The following CHRM3 variants were observed in gnomAD, a reference collection of about 807,000 sequenced individuals.
CHRM3 encodes the protein muscarinic acetylcholine receptor M3.
A neutral mutation model predicts 41.8 loss-of-function variants in CHRM3; 11 were observed. The observed-to-expected ratio is 0.26, with a 90% CI of 0.17 to 0.44. The LOEUF (loss-of-function observed/expected upper bound fraction) is 0.44. CHRM3 is among the 20% of genes least tolerant of loss of function. CHRM3 has a pLI of 1.00. For missense variants in CHRM3, 571 were observed against 745.4 expected, an observed-to-expected ratio of 0.77 and a Z score of 2.72; for synonymous variants, 297 against 301.4, an observed-to-expected ratio of 0.99 and a Z score of 0.15.
chr1:239,403,114 AAATT>A (rs375082029), intron 1 of CHRM3, among the ~76,000 whole-genome samples: 4 of 152,320 alleles, frequency 2.6e-5, no homozygotes, highest in Non-Finnish European at 5.9e-5. Flanking sequence ...GCCTTTAAAT[AAATT>A]ATGTAAATAA....
At chr1:239,447,780 A>AAAAC (rs146664777) in intron 1 of CHRM3, among the ~76,000 whole-genome samples, 10 of 152,118 alleles carry the variant, frequency 6.6e-5, no homozygotes, top group East Asian at 5.8e-4. Flanking sequence ...CTGTCTCAAA[A>AAAAC]AAACAAACAA....
intron 3 of CHRM3, among the ~76,000 whole-genome samples, chr1:239,586,866 C>T (rs1271704050): frequency 2.0e-5 from 3 of 152,124 alleles, no homozygotes; most frequent in Non-Finnish European, 4.4e-5. Flanking sequence ...TAGATTCTGT[C>T]TGGTAGAGAC....
intron 3 of CHRM3, among the ~76,000 whole-genome samples, chr1:239,624,542 G>A (rs1668819433): frequency 6.6e-6 from 1 of 150,736 alleles, no homozygotes; most frequent in Non-Finnish European, 1.5e-5. Flanking sequence ...TGTTGCCATT[G>A]CTTTTGGTGT....
At chr1:239,831,444 T>C (rs995655861) in intron 6 of CHRM3, among the ~76,000 whole-genome samples, 3 of 152,154 alleles carry the variant, frequency 2.0e-5, no homozygotes, top group Admixed American at 1.3e-4. Context: ...GTCACAATAC[T>C]GGAAGGAACC....
chr1:239,709,276 T>C (rs1661520363), intron 5 of CHRM3, among the ~76,000 whole-genome samples: 1 of 152,214 alleles, frequency 6.6e-6, no homozygotes, highest in African/African-American at 2.4e-5. Context: ...TGGGTTATTT[T>C]GTCTAATACT....
intron 6 of CHRM3, among the ~76,000 whole-genome samples, chr1:239,864,112 G>A (rs1444990494): frequency 6.6e-6 from 1 of 151,846 alleles, no homozygotes; most frequent in Non-Finnish European, 1.5e-5. Context: ...GGGTGAGATG[G>A]CACATGCCTG....
intron 5 of CHRM3, among the ~76,000 whole-genome samples, chr1:239,741,116 A>T (rs1272509901): frequency 6.6e-6 from 1 of 152,206 alleles, no homozygotes; most frequent in Non-Finnish European, 1.5e-5. Flanking sequence ...AATTAACAGG[A>T]GAAAAGCATA....
intron 6 of CHRM3, among the ~76,000 whole-genome samples, chr1:239,834,452 A>G (rs892581408): frequency 9.9e-5 from 15 of 151,188 alleles, no homozygotes; most frequent in Admixed American, 9.3e-4. Context: ...TTAATAGGGG[A>G]CTTACTTATT....
chr1:239,673,750 T>C (rs1056269044), intron 4 of CHRM3, among the ~76,000 whole-genome samples: 3 of 152,172 alleles, frequency 2.0e-5, no homozygotes, highest in African/African-American at 7.2e-5. Flanking sequence ...GCTTTTGTTA[T>C]CATTTTCCTT....
chr1:239,437,445 T>G (rs1281730921), intron 1 of CHRM3, among the ~76,000 whole-genome samples: 1 of 152,236 alleles, frequency 6.6e-6, no homozygotes, highest in Non-Finnish European at 1.5e-5. Flanking sequence ...TCTAAAATTC[T>G]GCCACTCTCT....
intron 5 of CHRM3, among the ~76,000 whole-genome samples, chr1:239,816,579 T>A (rs997582022): frequency 6.6e-6 from 1 of 151,980 alleles, no homozygotes; most frequent in African/African-American, 2.4e-5. Context: ...CTTCTCCTGG[T>A]CCAGGAAGTA....
intron 2 of CHRM3, among the ~76,000 whole-genome samples, chr1:239,539,355 C>T (rs1658511239): frequency 6.6e-6 from 1 of 152,162 alleles, no homozygotes; most frequent in South Asian, 2.1e-4. Context: ...GTCTGAAGCC[C>T]AGATGAGCTG....
At position 239,578,839 on chromosome 1, in the gene CHRM3, TC is replaced by T. The variant is rs201256272; in HGVS notation, c.-313+33094del. ...CTCAGGATGCACAATTGTAGTGAGTTCCCCGAGTGCTTCTTAAGCAGCCAGC... is the reference window on the plus strand; with the variant it reads ...CTCAGGATGCACAATTGTAGTGAGTTCCCGAGTGCTTCTTAAGCAGCCAGC... On this transcript the variant is annotated intron_variant, in intron 3 of 6. Coordinates refer to ENST00000676153, the MANE Select transcript of CHRM3 (RefSeq NM_001375978.1). Among the ~76,000 whole-genome samples the T allele has an allele frequency of 7.4e-3, 1,130 of 152,252 alleles. 14 individuals carry two copies. The highest frequency in any genetic ancestry group is 0.026 in the African/African-American group (1,090 of 41,560).
At chr1:239,537,397 C>T (rs150533852) in intron 2 of CHRM3, among the ~76,000 whole-genome samples, 2,009 of 152,084 alleles carry the variant, frequency 0.013, 43 homozygotes, top group South Asian at 0.098. Context: ...AGGCACTTTA[C>T]GTGGTGGGAA....
intron 1 of CHRM3, among the ~76,000 whole-genome samples, chr1:239,486,893 T>A (rs1371156617): frequency 1.3e-5 from 2 of 152,156 alleles, no homozygotes; most frequent in Non-Finnish European, 2.9e-5. Flanking sequence ...GGCCAAATGT[T>A]ATTCATCTTT....
At position 239,738,366 on chromosome 1, in the gene CHRM3, T is replaced by C. The variant is rs113253364; in HGVS notation, c.-147+60078T>C. Among the ~76,000 whole-genome samples, 1,136 of 152,254 alleles carry C rather than the reference T, an allele frequency of 7.5e-3. 14 individuals are homozygous for C. The highest frequency in any genetic ancestry group is 0.026 in the African/African-American group (1,086 of 41,540). On this transcript the variant is annotated intron_variant, in intron 5 of 6. Coordinates refer to ENST00000676153, the MANE Select transcript of CHRM3 (RefSeq NM_001375978.1). The stretch of plus-strand genomic sequence containing the variant: ...GCTCAGCTCTTCAGCACCAGTGCCC[T>C]GTCGGGAGAGCCCTGGCTTGCAGTC...
At chr1:239,858,129 T>C (rs1247590597) in intron 6 of CHRM3, among the ~76,000 whole-genome samples, 1 of 152,212 alleles carries the variant, frequency 6.6e-6, no homozygotes, top group African/African-American at 2.4e-5. Context: ...ATGCACTAAT[T>C]AGAAAGGAAG....
chr1:239,700,322 A>G (rs952952795), intron 5 of CHRM3, among the ~76,000 whole-genome samples: 1 of 152,160 alleles, frequency 6.6e-6, no homozygotes, highest in Non-Finnish European at 1.5e-5. Context: ...TTCAGCAGGT[A>G]TCCATTTAAT....
chr1:239,533,926 C>A (rs1657934038), intron 2 of CHRM3, among the ~76,000 whole-genome samples: 1 of 152,028 alleles, frequency 6.6e-6, no homozygotes. Context: ...CAGCCAAACC[C>A]TACCACACCT....
Sources: gnomAD v4.1 joint callset for allele counts (sites outside exome capture counted in the v4.1 genomes callset) on GRCh38, gnomAD v4.1.1 for gene constraint, MANE v1.5 for transcripts, NCBI Gene and HGNC (gene_info 2026-07-23, HGNC 2026-07-21) for gene names.